ANK2: variants seen among roughly 807,000 people sequenced by gnomAD.
The protein encoded by ANK2 is ankyrin 2, also known as ankyrin-2.
ANK2 carries 83 observed loss-of-function variants against 360.5 expected under a neutral mutation model. The ratio of observed to expected loss-of-function variants is 0.23; its 90% CI spans 0.19 to 0.28. The LOEUF (loss-of-function observed/expected upper bound fraction) is 0.28. Ranked by LOEUF, ANK2 falls within the 10% of genes least tolerant of loss-of-function variation. The probability of loss-of-function intolerance (pLI) is 1.00; values close to 1 mark genes in which losing one functional copy is unlikely to be tolerated. For missense variants in ANK2, 4,201 were observed against 4,795.7 expected (o/e 0.88, Z 3.66); for synonymous variants, 1,740 against 1,759.5 (o/e 0.99, Z 0.28).
chr4:113,367,944 A>T, intron 42 of ANK2, 93 bp downstream of exon 42: 2 of 1,474,024 alleles, frequency 1.4e-6, no homozygotes, highest in Non-Finnish European at 1.9e-6. Flanking sequence ...GTTTTTAAAT[A>T]CTTTTTAAAA....
chr4:113,135,994 T>C (rs2096385402), intron 1 of ANK2, among the ~76,000 whole-genome samples: 1 of 152,234 alleles, frequency 6.6e-6, no homozygotes, highest in South Asian at 2.1e-4. Context: ...TTTATTTAAA[T>C]GTTGTGTTTG....
At chr4:112,945,575 GAA>G (rs2094493679) in intron 2 of ANK2, among the ~76,000 whole-genome samples, 1 of 152,080 alleles carries the variant, frequency 6.6e-6, no homozygotes, top group South Asian at 2.1e-4. Context: ...TGACAAAACC[GAA>G]AAGAGTCTAT....
intron 1 of ANK2, chr4:113,106,838 T>C (rs1327024414): frequency 1.9e-6 from 1 of 522,636 alleles, no homozygotes; most frequent in South Asian, 1.5e-5. Flanking sequence ...TTTATTCCTG[T>C]AACTGGGCCA....
In ANK2 at chr4:113,202,418, C is replaced by G. The variant is rs563104339; in HGVS notation, c.384+3309C>G. ...TTCCTTTTGAGAACCAGAAAAAGGA[C>G]GTAGGGAATCCTGAATGTACAACAA... On this transcript the variant is annotated intron_variant, in intron 4 of 45. Coordinates refer to ENST00000357077, the MANE Select transcript of ANK2 (RefSeq NM_001148.6). Among the ~76,000 whole-genome samples the G allele has an allele frequency of 4.6e-5, 7 of 152,226 alleles. No homozygotes were observed. In the East Asian group the frequency reaches 1.4e-3, roughly 29 times the overall value.
chr4:113,154,398 C>T (rs905690987), intron 1 of ANK2, among the ~76,000 whole-genome samples: 15 of 152,106 alleles, frequency 9.9e-5, no homozygotes, highest in African/African-American at 3.6e-4. Context: ...AATTTCATTC[C>T]ATTGTTGAGC....
intron 1 of ANK2, chr4:113,072,001 T>C (rs2077741096): frequency 6.6e-6 from 1 of 152,200 alleles, no homozygotes; most frequent in Admixed American, 6.5e-5. Context: ...TAACTCACTA[T>C]CAGGAGAACA....
chr4:113,032,033 T>C (rs1170608466), intron 2 of ANK2, among the ~76,000 whole-genome samples: 4 of 151,992 alleles, frequency 2.6e-5, no homozygotes, highest in African/African-American at 4.8e-5. Context: ...ACTTTAGACA[T>C]AAAGAACTTC....
chr4:112,870,952 G>A (rs1396813070), intron 1 of ANK2, among the ~76,000 whole-genome samples: 1 of 151,994 alleles, frequency 6.6e-6, no homozygotes, highest in Non-Finnish European at 1.5e-5. Context: ...GGTCCTCATT[G>A]ATTTCTTTCA....
At chr4:113,368,086 G>C (rs2096600504) in intron 42 of ANK2, among the ~76,000 whole-genome samples, 1 of 152,194 alleles carries the variant, frequency 6.6e-6, no homozygotes, top group Non-Finnish European at 1.5e-5. Flanking sequence ...CTTTGAACAA[G>C]TCCTTATGTG....
At chr4:113,039,684 C>T (rs2062468752) in intron 2 of ANK2, among the ~76,000 whole-genome samples, 1 of 151,888 alleles carries the variant, frequency 6.6e-6, no homozygotes, top group African/African-American at 2.4e-5. Context: ...GAATTTAGTT[C>T]AAAGTGCCTA....
chr4:113,261,233 G>A (rs552049509), intron 13 of ANK2, among the ~76,000 whole-genome samples: 4 of 151,922 alleles, frequency 2.6e-5, no homozygotes, highest in Non-Finnish European at 4.4e-5. Flanking sequence ...TTATTAATAC[G>A]CTTTGAAACT....
chr4:113,052,938 T>C (rs907130202), intron 1 of ANK2, among the ~76,000 whole-genome samples: 2 of 152,184 alleles, frequency 1.3e-5, no homozygotes, highest in Non-Finnish European at 2.9e-5. Flanking sequence ...GTAAGTCTTA[T>C]CTACAGGAGA....
intron 4 of ANK2, among the ~76,000 whole-genome samples, chr4:113,214,637 T>G (rs1470478567): frequency 6.6e-6 from 1 of 152,130 alleles, no homozygotes; most frequent in African/African-American, 2.4e-5. Context: ...TGTAAAAAAT[T>G]TATTACTAAG....
chr4:112,825,467 A>G (rs996902120), intron 1 of ANK2, among the ~76,000 whole-genome samples: 2 of 152,176 alleles, frequency 1.3e-5, no homozygotes, highest in African/African-American at 4.8e-5. Context: ...CCTTAACCCT[A>G]TCTGATTTGG....
chr4:112,997,819 T>C (rs949182285), intron 2 of ANK2, among the ~76,000 whole-genome samples: 2 of 151,724 alleles, frequency 1.3e-5, no homozygotes, highest in Admixed American at 1.3e-4. Context: ...CACACATATA[T>C]GCACATATAT....
chr4:113,137,114 G>A (rs1421195603), intron 1 of ANK2, among the ~76,000 whole-genome samples: 1 of 152,126 alleles, frequency 6.6e-6, no homozygotes, highest in Non-Finnish European at 1.5e-5. Flanking sequence ...GATTACATGT[G>A]TGAGCCACTG....
the ANK2 span, among the ~76,000 whole-genome samples, chr4:112,729,747 C>CAAA: frequency 6.5e-3 from 454 of 70,336 alleles, 3 homozygotes; most frequent in African/African-American, 0.021. Context: ...GACTCTGTCT[C>CAAA]AAAAAAAAAA....
intron 1 of ANK2, among the ~76,000 whole-genome samples, chr4:113,163,694 G>A (rs1167511982): frequency 6.7e-5 from 10 of 148,498 alleles, no homozygotes; most frequent in Admixed American, 4.7e-4. Flanking sequence ...AACCTGGGAG[G>A]CGGAGGTTGC....
chr4:112,854,138 G>A (rs141596563), intron 1 of ANK2, among the ~76,000 whole-genome samples: 391 of 152,298 alleles, frequency 2.6e-3, no homozygotes, highest in Non-Finnish European at 4.5e-3. Flanking sequence ...CTTCTATAGA[G>A]AAGGGGTGAG....
Sources: allele counts gnomAD v4.1 joint callset (sites outside exome capture counted in the v4.1 genomes callset), GRCh38; gene constraint gnomAD v4.1.1; transcripts MANE v1.5; gene names NCBI Gene and HGNC (gene_info 2026-07-23, HGNC 2026-07-21).